HIC2: variants seen among roughly 807,000 people sequenced by gnomAD.
HIC2 encodes the protein hypermethylated in cancer 2 protein.
HIC2 carries 2 observed loss-of-function variants against 39.5 expected under a neutral mutation model. The observed-to-expected ratio is 0.05, with a 90% CI of 0.02 to 0.16. The LOEUF is 0.16. HIC2 is among the 10% of genes least tolerant of loss of function. The pLI, the probability that HIC2 is intolerant of heterozygous loss-of-function variation, is 1.00. For synonymous variants in HIC2, 399 were observed against 368.8 expected (o/e 1.08, Z -0.94); for missense variants, 713 against 863.5 (o/e 0.83, Z 2.18).
Position 21,446,383 on chromosome 22 carries a change from G to A in HIC2, c.1488G>A (p.Ala496=), listed in dbSNP as rs372105549. The A allele has an allele frequency of 2.7e-5, 44 of 1,612,298 alleles. No homozygotes were observed. The African/African-American group carries it at 2.8e-4, about 10-fold the overall frequency. ...CCGAGGACCTGTCAGCACCCAGTGC[G>A]GCCTACACGGCTGAGCCCCGGCCCT... The part of the protein sequence containing the change: ...EEAEDLSAPS[A]AYTAEPRPFK... Residue 496 remains alanine (A), a synonymous_variant, in exon 3 of 3, where the codon GCG becomes GCA. Transcript: ENST00000407464.
rs761089441 is a variant in HIC2, at chr22:21,445,737, C to G, written c.842C>G (p.Pro281Arg). Residue 281 changes from proline to arginine, a missense_variant, in exon 3 of 3, where the codon CCC becomes CGC. Pro to Arg is a moderately radical substitution (Grantham distance 103). Transcript: ENST00000407464. Reference sequence around the variant, plus strand: ...CTGAGCGACAGCCAACATGGCTCGCCCCCTGCGGCCTCTGCTCCTCCCGTT... The same window carrying G: ...CTGAGCGACAGCCAACATGGCTCGCGCCCTGCGGCCTCTGCTCCTCCCGTT... ...AQLSDSQHGS[P>R]PAASAPPVAN... 8.1e-6 allele frequency: 13 copies of G among 1,611,966 alleles called. No individual in the cohort carries two copies. The highest frequency in any genetic ancestry group is 1.3e-5 in the African/African-American group (1 of 75,064).
In HIC2 at chr22:21,445,320, C is replaced by A; in HGVS notation, c.425C>A (p.Ala142Asp). Residue 142 changes from alanine (A) to aspartate (D), a missense_variant, in exon 3 of 3, where the codon GCC becomes GAC. Ala to Asp is a moderately radical substitution (Grantham distance 126). Around this residue, in one of 5 missense-constraint regions of HIC2, gnomAD observed 457 missense variants for 420.2 expected, o/e 1.09. Transcript: ENST00000407464. The stretch of plus-strand genomic sequence containing the variant: ...CTCTGCCGCCGCAAACTCAAGCGAG[C>A]CGGCAAGCCCTTTGGCTCTGGGAGG... ...AALCRRKLKR[A>D]GKPFGSGRAG... 1.2e-6 allele frequency: 2 copies of A among 1,600,076 alleles called. No individual in the cohort carries two copies. The highest frequency in any genetic ancestry group is 1.7e-6 in the Non-Finnish European group (2 of 1,173,266).
chr22:21,445,503 TTGG>T lies in HIC2; in HGVS notation c.612_614del (p.Gly205del), dbSNP rs1449654473. Reference sequence around the variant, plus strand: ...AAAGGCTCAGACGATGAACTCTTTCTTGGTGGCTCTAACCAGGATAGCGTGCAA... The same window carrying T: ...AAAGGCTCAGACGATGAACTCTTTCTTGGCTCTAACCAGGATAGCGTGCAA... On this transcript the variant is annotated inframe_deletion, in exon 3 of 3. Coordinates refer to ENST00000407464, the MANE Select transcript of HIC2 (RefSeq NM_015094.3). The T allele has an allele frequency of 6.3e-7, 1 of 1,590,864 alleles. No homozygotes were observed. The highest frequency in any genetic ancestry group is 1.4e-5 in the African/African-American group (1 of 73,564).
chr22:21,443,104 G>T (rs1253788817), intron 2 of HIC2, among the ~76,000 whole-genome samples: 1 of 152,222 alleles, frequency 6.6e-6, no homozygotes, highest in East Asian at 1.9e-4. Flanking sequence ...GGTTACTGGG[G>T]CCAAGTGTGG....
Position 21,446,545 on chromosome 22 carries a change from T to C in HIC2, c.1650T>C (p.Arg550=). The part of the protein sequence containing the change: ...KMFTQRGTMT[R]HMRSHLGLKP... ...TCACGCAGCGCGGCACCATGACGCGTCACATGCGGAGCCACCTGGGCCTGA... is the reference window on the plus strand; with the variant it reads ...TCACGCAGCGCGGCACCATGACGCGCCACATGCGGAGCCACCTGGGCCTGA... The change falls in exon 3 of 3, where the codon CGT becomes CGC. Residue 550 remains arginine, a synonymous_variant. Transcript: ENST00000407464. 1 of 1,613,198 alleles carries C rather than the reference T, an allele frequency of 6.2e-7. No homozygotes were observed. The highest frequency in any genetic ancestry group is 8.5e-7 in the Non-Finnish European group (1 of 1,180,022).
At chr22:21,417,585 G>C (rs1388229474) in intron 1 of HIC2, 25 bp downstream of exon 1, 2 of 147,528 alleles carry the variant, frequency 1.4e-5, no homozygotes, top group Non-Finnish European at 3.0e-5. Flanking sequence ...TGTGGGGCGG[G>C]GGGCGCGGGG....
intron 2 of HIC2, among the ~76,000 whole-genome samples, chr22:21,443,369 G>C (rs746155253): frequency 1.8e-4 from 28 of 152,214 alleles, no homozygotes; most frequent in African/African-American, 3.6e-4. Context: ...GCCTGTGAAT[G>C]TTAGGGTTTT....
chr22:21,446,135 A>G lies in HIC2; in HGVS notation c.1240A>G (p.Ser414Gly). 1 of 1,608,506 alleles carries G rather than the reference A, an allele frequency of 6.2e-7. No homozygotes were observed. Among genetic ancestry groups the G allele is most frequent in the Non-Finnish European group, 8.5e-7 (1 of 1,179,900 alleles). ...AAGTGAAGACAGTGCGCAGAGCGGG[A>G]GCGAGGGGGGCAGCGGCCATGCCAG... Reference protein sequence around the residue: ...DASEDSAQSGSEGGSGHASAH... With the variant: ...DASEDSAQSGGEGGSGHASAH... Residue 414 changes from serine (S) to glycine (G), a missense_variant, in exon 3 of 3, where the codon AGC becomes GGC. This residue lies in a region of HIC2 where 457 missense variants were observed against 420.2 expected (regional missense o/e 1.09). Transcript: ENST00000407464.
rs1923887427 is a variant in HIC2 at position 21,447,046 on chromosome 22, C to T, written c.*303C>T. The T allele has an allele frequency of 2.5e-6, 1 of 392,236 alleles. No homozygotes were observed. The highest frequency in any genetic ancestry group is 4.2e-5 in the Admixed American group (1 of 23,696). The allele number at this position is 392,236 out of a possible 1,614,324, so 24.3% of individuals were successfully genotyped here. On this transcript the variant is annotated 3_prime_UTR_variant, in exon 3 of 3. Coordinates refer to ENST00000407464, the MANE Select transcript of HIC2 (RefSeq NM_015094.3). ...CACGTGGGTCTCGCTGGGACCTGGT[C>T]CCTTTGTTGCAGGCGGCTTGGAGAA...
Position 21,444,947 on chromosome 22 carries a change from G to A in HIC2, c.52G>A (p.Asp18Asn). ...LRWCAWAGRG[D>N]MGPDMELPSH... is the part of the protein sequence containing the mutation. The stretch of plus-strand genomic sequence containing the variant: ...GTGGTGCGCGTGGGCAGGGCGCGGG[G>A]ACATGGGGCCCGACATGGAGCTGCC... Residue 18 changes from aspartate (D) to asparagine (N), a missense_variant, in exon 3 of 3, where the codon GAC (aspartate) becomes AAC (asparagine). Asp to Asn is a conservative substitution (Grantham distance 23). This residue lies in a region of HIC2 where 102 missense variants were observed against 187.1 expected (regional missense o/e 0.55). Transcript: ENST00000407464. The A allele has an allele frequency of 6.2e-7, 1 of 1,612,998 alleles. No homozygotes were observed. The highest frequency in any genetic ancestry group is 8.5e-7 in the Non-Finnish European group (1 of 1,179,892).
chr22:21,417,671 CG>C (rs1366922562), intron 1 of HIC2, 111 bp downstream of exon 1: 48 of 143,992 alleles, frequency 3.3e-4, no homozygotes, highest in African/African-American at 1.1e-3. Context: ...GCCCGGGCGA[CG>C]TGGGACTGCG....
rs564909117 is a variant in HIC2 at position 21,446,884 on chromosome 22, A to C, written c.*141A>C. On this transcript the variant is annotated 3_prime_UTR_variant, in exon 3 of 3. Coordinates refer to ENST00000407464, the MANE Select transcript of HIC2 (RefSeq NM_015094.3). Reference sequence around the variant, plus strand: ...GGCCCCTCTGGCCCCCACTGCCCACACCCAGAGCTTTAATGGACAGTCCGT... The same window carrying C: ...GGCCCCTCTGGCCCCCACTGCCCACCCCCAGAGCTTTAATGGACAGTCCGT... 1 of 1,172,266 alleles carries C rather than the reference A, an allele frequency of 8.5e-7. No homozygotes were observed. The highest frequency in any genetic ancestry group is 1.2e-6 in the Non-Finnish European group (1 of 857,570). The allele number at this position is 1,172,266 out of a possible 1,614,324, so 72.6% of individuals were successfully genotyped here. A position where few individuals can be genotyped will look rare whatever the true frequency, so the allele number is the denominator to read the frequency against.
In HIC2 at chr22:21,425,751, C is replaced by T. The variant is rs533588907; in HGVS notation, c.-74+8191C>T. Among the ~76,000 whole-genome samples the T allele has an allele frequency of 4.2e-4, 60 of 141,516 alleles. 1 individual carries two copies. Among genetic ancestry groups the T allele is most frequent in the African/African-American group, 1.4e-3 (53 of 37,682 alleles). The allele number at this position is 141,516 out of a possible 152,430, so 92.8% of individuals were successfully genotyped here. On this transcript the variant is annotated intron_variant, in intron 1 of 2. Transcript: ENST00000407464. ...TTTTTGAGACGGAGTCTTTCCCTGT[C>T]GCCCAGGCTGGAGTGCAGTGGTGGG...
chr22:21,445,944 T>G lies in HIC2; in HGVS notation c.1049T>G (p.Phe350Cys). 6.3e-7 allele frequency: 1 copy of G among 1,576,402 alleles called. No individual in the cohort carries two copies. Among genetic ancestry groups the G allele is most frequent in the Non-Finnish European group, 8.6e-7 (1 of 1,163,650 alleles). The change falls in exon 3 of 3, where the codon TTT becomes TGT. Residue 350 changes from phenylalanine (F) to cysteine (C), a missense_variant. Phe to Cys is a radical substitution (Grantham distance 205). Around this residue, in one of 5 missense-constraint regions of HIC2, gnomAD observed 457 missense variants for 420.2 expected, o/e 1.09. Coordinates refer to ENST00000407464, the MANE Select transcript of HIC2 (RefSeq NM_015094.3). ...GKKEPVAGSP[F>C]ERREAGPKGP... Reference sequence around the variant, plus strand: ...AAGGAGCCTGTGGCTGGCTCCCCCTTTGAGCGGAGAGAAGCAGGGCCCAAG... The same window carrying G: ...AAGGAGCCTGTGGCTGGCTCCCCCTGTGAGCGGAGAGAAGCAGGGCCCAAG...
In HIC2 at chr22:21,446,704, C is replaced by T. The variant is rs1477661725; in HGVS notation, c.1809C>T (p.Asn603=). 1.2e-6 allele frequency: 2 copies of T among 1,612,006 alleles called. No homozygotes were observed. Among genetic ancestry groups the T allele is most frequent in the Non-Finnish European group, 8.5e-7 (1 of 1,178,484 alleles). Residue 603 remains asparagine (N), a synonymous_variant, in exon 3 of 3, where the codon AAC becomes AAT. Transcript: ENST00000407464. ...LCGGKFTQQR[N]LISHLRMHTS... ...GGGGCAAGTTCACCCAGCAGCGCAA[C>T]CTCATCAGCCACCTGCGCATGCACA...
chr22:21,445,240 C>T lies in HIC2; in HGVS notation c.345C>T (p.Asn115=). The T allele has an allele frequency of 1.2e-6, 2 of 1,613,436 alleles. No homozygotes were observed. The highest frequency in any genetic ancestry group is 1.7e-6 in the Non-Finnish European group (2 of 1,180,016). ...LLPSDQPAEP[N]FSTLLTAASY... ...CCAGCGACCAGCCAGCCGAGCCCAA[C>T]TTCAGCACCCTCCTCACTGCCGCCA... The change falls in exon 3 of 3, where the codon AAC becomes AAT. Residue 115 remains asparagine, a synonymous_variant. Coordinates refer to ENST00000407464, the MANE Select transcript of HIC2 (RefSeq NM_015094.3).
At chr22:21,418,064 C>T (rs1225636554) in intron 1 of HIC2, among the ~76,000 whole-genome samples, 2 of 142,468 alleles carry the variant, frequency 1.4e-5, no homozygotes, top group South Asian at 2.5e-4. Flanking sequence ...CTCTTGCCTC[C>T]TCCCCGCGGG....
At position 21,449,092 on chromosome 22, in the gene HIC2, T is replaced by C. The variant is rs902272477; in HGVS notation, c.*2349T>C. The C allele has an allele frequency of 6.5e-6, 1 of 152,774 alleles. No homozygotes were observed. The highest frequency in any genetic ancestry group is 2.4e-5 in the African/African-American group (1 of 41,568). 9.5% of individuals were successfully genotyped at this position (152,774 alleles called of 1,614,324 possible). ...CAACGACGTTTGTGCGACATAGTAT[T>C]GTATCCACCTTAGTATTGTATCGAG... On this transcript the variant is annotated 3_prime_UTR_variant, in exon 3 of 3. Coordinates refer to ENST00000407464, the MANE Select transcript of HIC2 (RefSeq NM_015094.3).
In HIC2 at chr22:21,445,348, G is replaced by A. The variant is rs779006524; in HGVS notation, c.453G>A (p.Ala151=). 6.5e-5 allele frequency: 102 copies of A among 1,579,102 alleles called. No individual in the cohort carries two copies. Among genetic ancestry groups the A allele is most frequent in the Non-Finnish European group, 8.6e-5 (100 of 1,162,998 alleles). ...RAGKPFGSGR[A]GSTGMGRPPR... is the part of the protein sequence containing the mutation. ...GCAAGCCCTTTGGCTCTGGGAGGGC[G>A]GGGTCCACTGGCATGGGGCGGCCCC... The change falls in exon 3 of 3, where the codon GCG becomes GCA. Residue 151 remains alanine, a synonymous_variant. Coordinates refer to ENST00000407464, the MANE Select transcript of HIC2 (RefSeq NM_015094.3).
Sources: allele counts gnomAD v4.1 joint callset (sites outside exome capture counted in the v4.1 genomes callset), GRCh38; gene constraint gnomAD v4.1.1; regional missense constraint gnomAD v4.1.1; transcripts MANE v1.5; gene names NCBI Gene and HGNC (gene_info 2026-07-23, HGNC 2026-07-21).